SLC11A2: variants seen among roughly 807,000 people sequenced by gnomAD.
The protein encoded by SLC11A2 is natural resistance-associated macrophage protein 2.
In SLC11A2, 38 loss-of-function variants were observed where a neutral mutation model predicts 68.0. The observed-to-expected ratio is 0.56, with a 90% CI of 0.43 to 0.73. The LOEUF (loss-of-function observed/expected upper bound fraction) is 0.73. SLC11A2 is among the 30% of genes least tolerant of loss of function. SLC11A2 has a pLI of 0.00. For synonymous variants in SLC11A2, 242 were observed against 250.6 expected (o/e 0.97, Z 0.32); for missense variants, 517 against 690.5 (o/e 0.75, Z 2.82).
the SLC11A2 span, among the ~76,000 whole-genome samples, chr12:50,953,227 G>A: frequency 2.0e-4 from 31 of 152,306 alleles, no homozygotes; most frequent in African/African-American, 6.7e-4. Flanking sequence ...GGAACAACAG[G>A]AGACAGACAG....
At chr12:50,994,437 C>T (rs1592334093) in intron 11 of SLC11A2, 107 bp downstream of exon 11, 5 of 767,060 alleles carry the variant, frequency 6.5e-6, no homozygotes, top group African/African-American at 5.1e-5. Context: ...ATAAATGACA[C>T]TCCAGAGGAG....
chr12:50,977,691 C>T (rs1260766946), downstream of SLC11A2, among the ~76,000 whole-genome samples: 1 of 152,148 alleles, frequency 6.6e-6, no homozygotes, highest in African/African-American at 2.4e-5. Flanking sequence ...AAAGAAACTA[C>T]CATCAGAGTG....
chr12:50,986,339 G>A lies in SLC11A2; in HGVS notation c.*1986C>T, dbSNP rs1468831526. 1.6e-6 allele frequency: 2 copies of A among 1,283,558 alleles called. No individual in the cohort carries two copies. Among genetic ancestry groups the A allele is most frequent in the South Asian group, 2.5e-5 (2 of 80,880 alleles). 79.5% of individuals were successfully genotyped at this position (1,283,558 alleles called of 1,614,324 possible). ...CTGGTTAAAATGCACTTTCTGTGAA[G>A]ATCAAATGCAATAACGTATGAGGGT... is the stretch of plus-strand genomic sequence containing the variant. On this transcript the variant is annotated 3_prime_UTR_variant, in exon 16 of 16. Transcript: ENST00000262052.
the SLC11A2 span, chr12:50,954,185 G>A: frequency 2.6e-6 from 2 of 760,252 alleles, no homozygotes; most frequent in African/African-American, 3.5e-5. Flanking sequence ...TCTTATAATT[G>A]AATTTTTTCA....
At chr12:51,007,396 G>A (rs370883450) in intron 3 of SLC11A2, among the ~76,000 whole-genome samples, 19 of 152,204 alleles carry the variant, frequency 1.2e-4, no homozygotes, top group African/African-American at 1.4e-4. Flanking sequence ...GTGCAGTGGC[G>A]CGATCTTGGC....
intron 5 of SLC11A2, among the ~76,000 whole-genome samples, chr12:51,004,277 A>G (rs1270299747): frequency 6.6e-5 from 10 of 152,348 alleles, no homozygotes; most frequent in Non-Finnish European, 1.2e-4. Flanking sequence ...AATGTCCAGA[A>G]GAAGCTGCAG....
chr12:50,982,363 C>G (rs1030262961), downstream of SLC11A2, among the ~76,000 whole-genome samples: 13 of 152,098 alleles, frequency 8.5e-5, no homozygotes, highest in African/African-American at 2.9e-4. Context: ...CGGTGGCTCA[C>G]GCCTGTAAAC....
chr12:50,984,559 TG>T (rs1200318752), downstream of SLC11A2, among the ~76,000 whole-genome samples: 3 of 152,140 alleles, frequency 2.0e-5, no homozygotes, highest in African/African-American at 7.2e-5. Context: ...TGGAGATGTT[TG>T]TTATATTGTT....
chr12:51,004,989 G>A (rs1363571447), intron 4 of SLC11A2, 82 bp from the exon 5 acceptor site: 14 of 1,515,724 alleles, frequency 9.2e-6, no homozygotes, highest in African/African-American at 2.7e-5. Flanking sequence ...TTGGCAACAT[G>A]AGTGGTAAAT....
At chr12:50,983,608 C>A (rs1334220243), downstream of SLC11A2, among the ~76,000 whole-genome samples, 1 of 152,058 alleles carries the variant, frequency 6.6e-6, no homozygotes. Flanking sequence ...GAGGCCGAGG[C>A]AGGCAGATCA....
intron 3 of SLC11A2, among the ~76,000 whole-genome samples, chr12:51,007,032 G>T (rs1027447927): frequency 1.3e-5 from 2 of 152,068 alleles, no homozygotes; most frequent in African/African-American, 4.8e-5. Context: ...ACATGCATGA[G>T]CCACTGCACC....
downstream of SLC11A2, among the ~76,000 whole-genome samples, chr12:50,977,789 C>T (rs902130367): frequency 1.6e-4 from 24 of 152,116 alleles, no homozygotes; most frequent in African/African-American, 5.8e-4. Flanking sequence ...AGAACTCAAA[C>T]AATTTCACAA....
At chr12:50,977,645 T>C (rs1939865729), downstream of SLC11A2, among the ~76,000 whole-genome samples, 1 of 151,866 alleles carries the variant, frequency 6.6e-6, no homozygotes, top group Non-Finnish European at 1.5e-5. Context: ...AATTGACAAA[T>C]GGGATCTAAT....
rs774332098 is a variant in SLC11A2 at position 50,990,782 on chromosome 12, A to G, written c.1575+13T>C. On this transcript the variant is annotated intron_variant, in intron 15 of 15. Transcript: ENST00000262052. ...CTGATACCTATGCCCCTGCTCTTCC[A>G]GGCTAGACTTACCAAGTAGAACACA... 6.2e-7 allele frequency: 1 copy of G among 1,613,848 alleles called. No homozygotes were observed. Among genetic ancestry groups the G allele is most frequent in the Admixed American group, 1.7e-5 (1 of 60,008 alleles).
chr12:51,026,305 C>G lies in SLC11A2; in HGVS notation c.-39+5G>C, dbSNP rs180796770. ...CCGTGACCCCTGACCTTGCCTTCCC[C>G]TCACCTTACCAGCTCCGCAACCACC... On this transcript the variant is annotated splice_donor_5th_base_variant and intron_variant, in intron 1 of 15. Coordinates refer to ENST00000262052, the MANE Select transcript of SLC11A2 (RefSeq NM_000617.3). 1.1e-3 allele frequency: 1,351 copies of G among 1,265,446 alleles called. 43 individuals are homozygous for G. The Admixed American group carries it at 0.03, about 29-fold the overall frequency. The allele number at this position is 1,265,446 out of a possible 1,614,324, so 78.4% of individuals were successfully genotyped here. A position where few individuals can be genotyped will look rare whatever the true frequency, so the allele number is the denominator to read the frequency against.
chr12:50,960,933 G>A, the SLC11A2 span: 21 of 1,529,076 alleles, frequency 1.4e-5, no homozygotes, highest in Non-Finnish European at 1.9e-5. Context: ...TCCTGCCTCA[G>A]CCTTCCAAAT....
the SLC11A2 span, chr12:50,954,017 T>C: frequency 1.9e-6 from 3 of 1,611,606 alleles, no homozygotes; most frequent in Middle Eastern, 3.3e-4. Context: ...AGATAACCAG[T>C]GGTCAGCAGA....
At chr12:50,985,120 A>G (rs564626119), downstream of SLC11A2, among the ~76,000 whole-genome samples, 1 of 152,320 alleles carries the variant, frequency 6.6e-6, no homozygotes, top group Non-Finnish European at 1.5e-5. Context: ...CTTAGAACAC[A>G]GTACTGAGTT....
At chr12:50,958,528 G>A in the SLC11A2 span, among the ~76,000 whole-genome samples, 23 of 151,416 alleles carry the variant, frequency 1.5e-4, no homozygotes, top group African/African-American at 5.3e-4. Context: ...TGATCCGCCC[G>A]CCTCGGCCTC....
Sources: allele counts gnomAD v4.1 joint callset (sites outside exome capture counted in the v4.1 genomes callset), GRCh38; gene constraint gnomAD v4.1.1; transcripts MANE v1.5; gene names NCBI Gene and HGNC (gene_info 2026-07-23, HGNC 2026-07-21).